Variants in CADM2 observed in about 807,000 individuals in gnomAD.
The protein encoded by CADM2 is cell adhesion molecule 2, also known as immunoglobulin superfamily member 4D.
A neutral mutation model predicts 49.8 loss-of-function variants in CADM2; 12 were observed. The observed-to-expected ratio is 0.24, with a 90% CI of 0.15 to 0.39. CADM2 has a LOEUF of 0.39. CADM2 is among the 10% of genes least tolerant of loss of function. The pLI, the probability that CADM2 is intolerant of heterozygous loss-of-function variation, is 1.00. For synonymous variants in CADM2, 214 were observed against 175.4 expected (o/e 1.22, Z -1.74); for missense variants, 378 against 492.3 (o/e 0.77, Z 2.20).
At chr3:85,159,948 A>G (rs1378675700) in intron 1 of CADM2, among the ~76,000 whole-genome samples, 2 of 152,192 alleles carry the variant, frequency 1.3e-5, no homozygotes, top group East Asian at 1.9e-4. Context: ...AGAAAGCTGT[A>G]TAATTTGAAA....
chr3:85,904,894 AT>A (rs1228458174), intron 5 of CADM2, among the ~76,000 whole-genome samples: 2 of 152,132 alleles, frequency 1.3e-5, no homozygotes, highest in Non-Finnish European at 2.9e-5. Flanking sequence ...TATTCAAAAA[AT>A]GTCTTTATTT....
At chr3:85,296,232 G>T (rs1031436271) in intron 1 of CADM2, among the ~76,000 whole-genome samples, 2 of 151,988 alleles carry the variant, frequency 1.3e-5, no homozygotes, top group Non-Finnish European at 2.9e-5. Context: ...TCTATAGTTT[G>T]AGTTCATGAG....
chr3:86,033,502 G>A (rs758949022), intron 8 of CADM2, among the ~76,000 whole-genome samples: 9 of 151,678 alleles, frequency 5.9e-5, no homozygotes, highest in Admixed American at 2.0e-4. Flanking sequence ...ATACATAGGT[G>A]TGGGGAGTTT....
chr3:85,224,993 G>T (rs577913233), intron 1 of CADM2, among the ~76,000 whole-genome samples: 259 of 152,188 alleles, frequency 1.7e-3, no homozygotes, highest in Admixed American at 4.3e-3. Context: ...ATGCTATTTT[G>T]GTTACTGTAA....
At chr3:85,107,553 CTT>C (rs58929804) in intron 1 of CADM2, among the ~76,000 whole-genome samples, 5,498 of 150,870 alleles carry the variant, frequency 0.036, 126 homozygotes, top group South Asian at 0.045. Context: ...CAGTGTGACT[CTT>C]TCTTTCTTCT....
In CADM2 at chr3:85,380,315, T is replaced by C. The variant is rs768709281; in HGVS notation, c.62-346207T>C. 3.6e-4 allele frequency among the ~76,000 whole-genome samples: 55 copies of C among 151,974 alleles called. 1 individual carries two copies. Among genetic ancestry groups the C allele is most frequent in the Admixed American group, 1.9e-3 (29 of 15,226 alleles). On this transcript the variant is annotated intron_variant, in intron 1 of 9. Transcript: ENST00000383699. ...AAGGTAATCATAAGATTTTTTTATA[T>C]ACACAATATATAAATGTTGCTTTTT...
At chr3:85,966,149 C>G (rs969540915) in intron 8 of CADM2, among the ~76,000 whole-genome samples, 6 of 151,754 alleles carry the variant, frequency 4.0e-5, no homozygotes, top group African/African-American at 1.4e-4. Flanking sequence ...CAAAGCCTCC[C>G]TCAGGATCTG....
rs186335959 is a variant in CADM2 at position 86,024,851 on chromosome 3, A to G, written c.971-40754A>G. ...ATTAAGCTCCACTAGGATCTTACACATGTATCTTTACATTATTATTATTAT... is the reference window on the plus strand; with the variant it reads ...ATTAAGCTCCACTAGGATCTTACACGTGTATCTTTACATTATTATTATTAT... On this transcript the variant is annotated intron_variant, in intron 8 of 9. Coordinates refer to ENST00000383699, the MANE Select transcript of CADM2 (RefSeq NM_001167675.2). 1.7e-3 allele frequency among the ~76,000 whole-genome samples: 251 copies of G among 151,750 alleles called. 1 individual carries two copies. The highest frequency in any genetic ancestry group is 0.016 in the Admixed American group (236 of 15,224).
intron 1 of CADM2, among the ~76,000 whole-genome samples, chr3:85,150,343 G>A (rs1204567018): frequency 2.0e-5 from 3 of 152,140 alleles, no homozygotes; most frequent in African/African-American, 2.4e-5. Context: ...GGCAGATGGT[G>A]TACAAAAGAC....
At chr3:85,155,024 G>T (rs1396943601) in intron 1 of CADM2, among the ~76,000 whole-genome samples, 1 of 150,742 alleles carries the variant, frequency 6.6e-6, no homozygotes, top group Non-Finnish European at 1.5e-5. Flanking sequence ...GGAAGAAACT[G>T]CATCAACTAA....
chr3:85,261,999 TA>T (rs2043023059), intron 1 of CADM2, among the ~76,000 whole-genome samples: 1 of 152,086 alleles, frequency 6.6e-6, no homozygotes, highest in Non-Finnish European at 1.5e-5. Context: ...TCCACATCTT[TA>T]AAAAATATGA....
intron 1 of CADM2, among the ~76,000 whole-genome samples, chr3:85,462,851 AATGTAC>A (rs1162617905): frequency 6.6e-6 from 1 of 152,188 alleles, no homozygotes; most frequent in Non-Finnish European, 1.5e-5. Context: ...TTTTGAAAGT[AATGTAC>A]CAATAGACCA....
At chr3:85,684,002 A>G (rs932917155) in intron 1 of CADM2, among the ~76,000 whole-genome samples, 11 of 152,190 alleles carry the variant, frequency 7.2e-5, no homozygotes, top group Non-Finnish European at 1.5e-4. Context: ...AGCCTTTAGC[A>G]TATATATCCT....
intron 1 of CADM2, among the ~76,000 whole-genome samples, chr3:85,485,026 A>T (rs951407456): frequency 5.9e-5 from 9 of 151,994 alleles, no homozygotes; most frequent in African/African-American, 1.9e-4. Context: ...AAGAAAGCAA[A>T]ACAATGTGAT....
intron 1 of CADM2, among the ~76,000 whole-genome samples, chr3:85,167,596 C>A (rs2040504655): frequency 6.6e-6 from 1 of 152,006 alleles, no homozygotes; most frequent in Non-Finnish European, 1.5e-5. Context: ...GAATTCAAAC[C>A]CAAATTAGCT....
intron 1 of CADM2, among the ~76,000 whole-genome samples, chr3:85,004,611 C>A (rs1182130378): frequency 6.6e-6 from 1 of 150,918 alleles, no homozygotes; most frequent in Non-Finnish European, 1.5e-5. Context: ...CTTGGTAGAC[C>A]AATATCTGAG....
At chr3:85,374,667 G>T (rs1224029094) in intron 1 of CADM2, among the ~76,000 whole-genome samples, 1 of 152,126 alleles carries the variant, frequency 6.6e-6, no homozygotes, top group South Asian at 2.1e-4. Flanking sequence ...GACTGGGGAG[G>T]CCTCACACTC....
At chr3:85,090,347 G>A (rs2037548145) in intron 1 of CADM2, among the ~76,000 whole-genome samples, 1 of 152,162 alleles carries the variant, frequency 6.6e-6, no homozygotes, top group South Asian at 2.1e-4. Context: ...TATGATTGCA[G>A]ATAAGTATTG....
chr3:85,665,375 A>G (rs1281682815), intron 1 of CADM2, among the ~76,000 whole-genome samples: 1 of 149,552 alleles, frequency 6.7e-6, no homozygotes, highest in African/African-American at 2.6e-5. Flanking sequence ...GTAATGACTT[A>G]GAATCATAAT....
Sources: gnomAD v4.1 joint callset for allele counts (sites outside exome capture counted in the v4.1 genomes callset) on GRCh38, gnomAD v4.1.1 for gene constraint, MANE v1.5 for transcripts, NCBI Gene and HGNC (gene_info 2026-07-23, HGNC 2026-07-21) for gene names.